The following CLSTN2 variants were observed in gnomAD, a reference collection of about 807,000 sequenced individuals.
CLSTN2 encodes calsyntenin 2, also known as calsyntenin-2.
Under a neutral mutation model 101.2 loss-of-function variants are expected in CLSTN2, and 48 were observed. The observed-to-expected ratio is 0.47, with a 90% CI of 0.38 to 0.60. The LOEUF is 0.60. Among genes scored for constraint, CLSTN2 ranks in the 20% least tolerant of loss-of-function variants. CLSTN2 has a pLI of 0.00. For missense variants in CLSTN2, 1,160 were observed against 1,238.2 expected, an observed-to-expected ratio of 0.94 and a Z score of 0.95; for synonymous variants, 481 against 463.6, an observed-to-expected ratio of 1.04 and a Z score of -0.48.
At chr3:140,469,772 A>G (rs1408690424) in intron 8 of CLSTN2, among the ~76,000 whole-genome samples, 1 of 152,204 alleles carries the variant, frequency 6.6e-6, no homozygotes, top group African/African-American at 2.4e-5. Context: ...ATAACAGTGA[A>G]TGGATGTCAA....
intron 6 of CLSTN2, among the ~76,000 whole-genome samples, chr3:140,449,060 A>G (rs1008637149): frequency 1.3e-5 from 2 of 152,234 alleles, no homozygotes; most frequent in Admixed American, 1.3e-4. Flanking sequence ...ACTGGTTTAG[A>G]AAAAGCAATC....
chr3:139,941,236 A>T (rs1040216033), intron 1 of CLSTN2, among the ~76,000 whole-genome samples: 1 of 152,120 alleles, frequency 6.6e-6, no homozygotes, highest in Admixed American at 6.5e-5. Context: ...GCTGGGGAAG[A>T]GCACTGAGCT....
chr3:140,151,129 G>A (rs186341812), intron 1 of CLSTN2, among the ~76,000 whole-genome samples: 24 of 152,076 alleles, frequency 1.6e-4, no homozygotes, highest in Admixed American at 4.6e-4. Flanking sequence ...TAGCTACTTG[G>A]CCTCAGAAGA....
chr3:140,215,769 C>T (rs1308104873), intron 2 of CLSTN2, among the ~76,000 whole-genome samples: 1 of 152,192 alleles, frequency 6.6e-6, no homozygotes, highest in Non-Finnish European at 1.5e-5. Context: ...ACCTTTCAAA[C>T]CGCATTGTTA....
Position 140,532,347 on chromosome 3 carries a change from C to T in CLSTN2, c.1368C>T (p.Tyr456=). The part of the protein sequence containing the change: ...LDQICDKEWH[Y]YVINVEFPVV... The stretch of plus-strand genomic sequence containing the variant: ...AGATTTGTGACAAAGAGTGGCACTA[C>T]TATGTCATCAATGTGGAGTTTCCTG... Residue 456 remains tyrosine, a synonymous_variant, in exon 9 of 17, where the codon TAC becomes TAT. Coordinates refer to ENST00000458420, the MANE Select transcript of CLSTN2 (RefSeq NM_022131.3). 6.2e-7 allele frequency: 1 copy of T among 1,608,862 alleles called. No individual in the cohort carries two copies.
chr3:140,306,950 T>C (rs1366112353), intron 2 of CLSTN2, among the ~76,000 whole-genome samples: 1 of 152,092 alleles, frequency 6.6e-6, no homozygotes, highest in East Asian at 1.9e-4. Context: ...CCAAATCTCA[T>C]CTTGAATTCC....
chr3:140,428,563 C>T (rs2088596886), intron 5 of CLSTN2, among the ~76,000 whole-genome samples: 1 of 152,242 alleles, frequency 6.6e-6, no homozygotes, highest in East Asian at 1.9e-4. Flanking sequence ...CCCCAAGGAG[C>T]CCTTCTTTGT....
At chr3:140,372,970 G>A (rs1378550261) in intron 2 of CLSTN2, among the ~76,000 whole-genome samples, 2 of 152,208 alleles carry the variant, frequency 1.3e-5, no homozygotes, top group Non-Finnish European at 1.5e-5. Context: ...TCAGCAGACT[G>A]AAGCAGGAGA....
chr3:140,279,234 T>C (rs555037354), intron 2 of CLSTN2, among the ~76,000 whole-genome samples: 5 of 152,144 alleles, frequency 3.3e-5, no homozygotes, highest in Admixed American at 6.5e-5. Context: ...CTTGTGAAGA[T>C]AGAGAAAAGC....
At chr3:140,551,057 G>A (rs1212859648) in intron 10 of CLSTN2, among the ~76,000 whole-genome samples, 1 of 152,018 alleles carries the variant, frequency 6.6e-6, no homozygotes, top group Non-Finnish European at 1.5e-5. Context: ...AAAACTAGGG[G>A]GACTGGGGCT....
intron 1 of CLSTN2, among the ~76,000 whole-genome samples, chr3:140,112,926 A>C (rs1012068505): frequency 2.0e-5 from 3 of 152,220 alleles, no homozygotes; most frequent in Admixed American, 1.3e-4. Context: ...ACTGAAGTGC[A>C]AATGCTTATT....
At chr3:140,135,698 T>C (rs1368367263) in intron 1 of CLSTN2, among the ~76,000 whole-genome samples, 1 of 152,146 alleles carries the variant, frequency 6.6e-6, no homozygotes, top group African/African-American at 2.4e-5. Flanking sequence ...CTTTGAGAAA[T>C]AGGGACACTA....
At chr3:140,175,407 A>G (rs2010307806) in intron 1 of CLSTN2, among the ~76,000 whole-genome samples, 1 of 152,090 alleles carries the variant, frequency 6.6e-6, no homozygotes, top group African/African-American at 2.4e-5. Flanking sequence ...TTATCTTTGC[A>G]TATATAATGA....
chr3:140,311,889 G>A (rs889565420), intron 2 of CLSTN2, among the ~76,000 whole-genome samples: 1 of 152,184 alleles, frequency 6.6e-6, no homozygotes, highest in African/African-American at 2.4e-5. Context: ...CCCAGGGAAT[G>A]AGAAGGCTTA....
intron 1 of CLSTN2, among the ~76,000 whole-genome samples, chr3:140,064,143 A>G (rs2008258960): frequency 6.6e-6 from 1 of 152,232 alleles, no homozygotes; most frequent in Admixed American, 6.5e-5. Flanking sequence ...TGCCCACTCC[A>G]TTATAAGGAT....
intron 8 of CLSTN2, among the ~76,000 whole-genome samples, chr3:140,527,715 C>T (rs1330223719): frequency 6.6e-6 from 1 of 152,194 alleles, no homozygotes; most frequent in East Asian, 1.9e-4. Context: ...GGTACATATA[C>T]ACCATGGAAT....
At chr3:139,963,169 A>G (rs758316059) in intron 1 of CLSTN2, among the ~76,000 whole-genome samples, 6 of 151,988 alleles carry the variant, frequency 3.9e-5, no homozygotes, top group Admixed American at 2.0e-4. Context: ...ACCAAAAGGG[A>G]CACTCTGTGC....
intron 1 of CLSTN2, among the ~76,000 whole-genome samples, chr3:140,035,159 C>T (rs780689824): frequency 6.6e-6 from 1 of 152,204 alleles, no homozygotes; most frequent in Non-Finnish European, 1.5e-5. Flanking sequence ...AGTTTTAAAT[C>T]CTGGCAAGCC....
intron 8 of CLSTN2, among the ~76,000 whole-genome samples, chr3:140,501,101 T>C (rs1239151437): frequency 6.6e-6 from 1 of 152,154 alleles, no homozygotes; most frequent in Non-Finnish European, 1.5e-5. Context: ...TTAACACACA[T>C]GGTGCCCAAG....
Sources: allele counts gnomAD v4.1 joint callset (sites outside exome capture counted in the v4.1 genomes callset), GRCh38; gene constraint gnomAD v4.1.1; transcripts MANE v1.5; gene names NCBI Gene and HGNC (gene_info 2026-07-23, HGNC 2026-07-21).